The following RB1CC1 variants were observed in gnomAD, a reference collection of about 807,000 sequenced individuals.
The protein encoded by RB1CC1 is RB1-inducible coiled-coil protein 1.
Under a neutral mutation model 177.5 loss-of-function variants are expected in RB1CC1, and 46 were observed. The observed-to-expected ratio is 0.26, with a 90% CI of 0.20 to 0.33. The LOEUF is 0.33. Among genes scored for constraint, RB1CC1 ranks in the 10% least tolerant of loss-of-function variants. The probability of loss-of-function intolerance (pLI) is 1.00; values close to 1 mark genes in which losing one functional copy is unlikely to be tolerated. For synonymous variants in RB1CC1, 666 were observed against 613.6 expected, an observed-to-expected ratio of 1.09 and a Z score of -1.26; for missense variants, 1,703 against 1,816.3, an observed-to-expected ratio of 0.94 and a Z score of 1.13.
intron 13 of RB1CC1, 137 bp from the exon 14 acceptor site, chr8:52,658,261 G>A (rs545981605): frequency 9.3e-7 from 1 of 1,070,952 alleles, no homozygotes; most frequent in Admixed American, 2.9e-5. Flanking sequence ...AGTATTTTAA[G>A]AAGTTTGTGT....
chr8:52,694,975 AG>A (rs1261562731), intron 1 of RB1CC1, among the ~76,000 whole-genome samples: 2 of 152,242 alleles, frequency 1.3e-5, no homozygotes, highest in Non-Finnish European at 2.9e-5. Context: ...GCTTTTTAGT[AG>A]GAGTTCCTAT....
intron 1 of RB1CC1, among the ~76,000 whole-genome samples, chr8:52,703,638 CT>C (rs1785122688): frequency 6.6e-6 from 1 of 152,204 alleles, no homozygotes; most frequent in African/African-American, 2.4e-5. Flanking sequence ...TCCTGAAGTA[CT>C]GACAGCCCAT....
intron 12 of RB1CC1, 101 bp from the exon 13 acceptor site, chr8:52,659,077 CAAACT>C (rs969024948): frequency 5.9e-5 from 32 of 542,226 alleles, no homozygotes; most frequent in African/African-American, 9.9e-5. Context: ...CTATACCAAA[CAAACT>C]AAAGTGCTTT....
At chr8:52,646,449 A>G (rs983724567) in intron 15 of RB1CC1, among the ~76,000 whole-genome samples, 1 of 151,724 alleles carries the variant, frequency 6.6e-6, no homozygotes, top group Admixed American at 6.6e-5. Flanking sequence ...TACACATAAG[A>G]GATAGGTAAA....
chr8:52,656,557 G>T lies in RB1CC1; in HGVS notation c.3272C>A (p.Ser1091Tyr). Reference sequence around the variant, plus strand: ...ATTTTCTGTCTCTTGTTCAAGAAGAGATTTCAAGGTCTCCTTCTGCTGGGC... The same window carrying T: ...ATTTTCTGTCTCTTGTTCAAGAAGATATTTCAAGGTCTCCTTCTGCTGGGC... ...SRAQQKETLK[S>Y]LLEQETENLR... The change falls in exon 15 of 24, where the codon TCT (serine) becomes TAT (tyrosine). Residue 1091 changes from serine to tyrosine, a missense_variant. Coordinates refer to ENST00000025008, the MANE Select transcript of RB1CC1 (RefSeq NM_014781.5). 4 of 1,611,034 alleles carry T rather than the reference G, an allele frequency of 2.5e-6. No individual in the cohort carries two copies. Among genetic ancestry groups the T allele is most frequent in the Non-Finnish European group, 3.4e-6 (4 of 1,179,084 alleles).
intron 1 of RB1CC1, among the ~76,000 whole-genome samples, chr8:52,699,379 G>C (rs1016467169): frequency 7.9e-5 from 12 of 152,288 alleles, no homozygotes; most frequent in Admixed American, 1.3e-4. Context: ...AAAGTAACAA[G>C]AGAATGAGAA....
At chr8:52,693,011 C>A (rs1032628769) in intron 1 of RB1CC1, among the ~76,000 whole-genome samples, 1 of 152,154 alleles carries the variant, frequency 6.6e-6, no homozygotes, top group Non-Finnish European at 1.5e-5. Flanking sequence ...CTGACAGAAA[C>A]AAGCAATGGG....
intron 15 of RB1CC1, among the ~76,000 whole-genome samples, chr8:52,654,828 A>G (rs1456262956): frequency 6.6e-6 from 1 of 152,136 alleles, no homozygotes; most frequent in East Asian, 1.9e-4. Flanking sequence ...TGTTAGATCA[A>G]TTTAACCAAA....
Position 52,683,564 on chromosome 8 carries a change from C to T in RB1CC1, c.354G>A (p.Arg118=). The T allele has an allele frequency of 6.3e-7, 1 of 1,588,360 alleles. No homozygotes were observed. The highest frequency in any genetic ancestry group is 1.4e-5 in the African/African-American group (1 of 73,550). ...MPAVFHTVAS[R]TQLALEMYEV... Reference sequence around the variant, plus strand: ...TATATCTTACCAATGCAAGCTGTGTCCTTGAAGCAACAGTATGAAAAACTG... The same window carrying T: ...TATATCTTACCAATGCAAGCTGTGTTCTTGAAGCAACAGTATGAAAAACTG... Residue 118 remains arginine (R), a synonymous_variant, in exon 5 of 24, where the codon AGG becomes AGA. Transcript: ENST00000025008.
rs187226790 is a variant in RB1CC1 at position 52,699,953 on chromosome 8, T to G, written c.-166-12986A>C. Among the ~76,000 whole-genome samples the G allele has an allele frequency of 2.7e-5, 4 of 150,080 alleles. No homozygotes were observed. In the East Asian group the frequency reaches 7.9e-4, roughly 30 times the overall value. On this transcript the variant is annotated intron_variant, in intron 1 of 23. Coordinates refer to ENST00000025008, the MANE Select transcript of RB1CC1 (RefSeq NM_014781.5). ...TGTCTGAATGATGCCAGGAGCTGTTTCACCAAAGCAAGTCAATTTTATAAA... is the reference window on the plus strand; with the variant it reads ...TGTCTGAATGATGCCAGGAGCTGTTGCACCAAAGCAAGTCAATTTTATAAA...
chr8:52,629,629 C>A (rs1169247798), intron 21 of RB1CC1, among the ~76,000 whole-genome samples: 1 of 152,120 alleles, frequency 6.6e-6, no homozygotes, highest in African/African-American at 2.4e-5. Flanking sequence ...AACACTAACA[C>A]AGAGGTTAAG....
intron 1 of RB1CC1, among the ~76,000 whole-genome samples, chr8:52,700,863 CTCTCAA>C (rs767501261): frequency 5.1e-4 from 77 of 152,334 alleles, no homozygotes; most frequent in Non-Finnish European, 8.8e-4. Context: ...TCAGACTACA[CTCTCAA>C]TCTCAATGTT....
intron 5 of RB1CC1, among the ~76,000 whole-genome samples, chr8:52,678,298 T>C (rs1351471534): frequency 1.3e-5 from 2 of 152,152 alleles, no homozygotes; most frequent in East Asian, 3.9e-4. Flanking sequence ...GTACCTGTAA[T>C]CCCAGCTACT....
intron 1 of RB1CC1, among the ~76,000 whole-genome samples, chr8:52,695,673 T>C (rs1305917535): frequency 1.3e-5 from 2 of 152,352 alleles, no homozygotes; most frequent in East Asian, 3.9e-4. Flanking sequence ...CTGTGTATAC[T>C]GTCACGCGTT....
At chr8:52,683,502 C>T (rs75633355) in intron 5 of RB1CC1, 47 bp downstream of exon 5, 13 of 1,466,254 alleles carry the variant, frequency 8.9e-6, no homozygotes, top group African/African-American at 4.3e-5. Context: ...TATTTAGATC[C>T]GAATGCTTTT....
At chr8:52,695,975 A>C (rs1855366696) in intron 1 of RB1CC1, among the ~76,000 whole-genome samples, 1 of 152,124 alleles carries the variant, frequency 6.6e-6, no homozygotes, top group Non-Finnish European at 1.5e-5. Flanking sequence ...TAGTACCTGA[A>C]ATGAGGGCAG....
chr8:52,699,173 CA>C (rs1563463619), intron 1 of RB1CC1, among the ~76,000 whole-genome samples: 4 of 152,224 alleles, frequency 2.6e-5, no homozygotes, highest in Admixed American at 2.6e-4. Flanking sequence ...CTGACCTAAA[CA>C]GAAGGAAAAA....
chr8:52,699,828 A>ACATATAT (rs1398678975), intron 1 of RB1CC1, among the ~76,000 whole-genome samples: 10 of 49,462 alleles, frequency 2.0e-4, no homozygotes, highest in Non-Finnish European at 1.9e-4. Context: ...AAAAAAAAAA[A>ACATATAT]AAATATATAT....
At chr8:52,696,304 AGTGCTG>A (rs565652960) in intron 1 of RB1CC1, among the ~76,000 whole-genome samples, 3,074 of 151,632 alleles carry the variant, frequency 0.02, 47 homozygotes, top group Admixed American at 0.035. Flanking sequence ...GGCCTCCCAA[AGTGCTG>A]GGATTACAGG....
Sources: gnomAD v4.1 joint callset for allele counts (sites outside exome capture counted in the v4.1 genomes callset) on GRCh38, gnomAD v4.1.1 for gene constraint, MANE v1.5 for transcripts, NCBI Gene and HGNC (gene_info 2026-07-23, HGNC 2026-07-21) for gene names.